PTPRG: variants seen among roughly 807,000 people sequenced by gnomAD.
PTPRG encodes the protein receptor-type tyrosine-protein phosphatase gamma.
A neutral mutation model predicts 165.3 loss-of-function variants in PTPRG; 102 were observed. The ratio of observed to expected loss-of-function variants is 0.62; its 90% CI spans 0.53 to 0.73. PTPRG has a LOEUF of 0.73. PTPRG is among the 30% of genes least tolerant of loss of function. PTPRG has a pLI of 0.00. For synonymous variants in PTPRG, 675 were observed against 669.5 expected, an observed-to-expected ratio of 1.01 and a Z score of -0.13; for missense variants, 1,866 against 1,861.4, an observed-to-expected ratio of 1.00 and a Z score of -0.05.
chr3:61,634,593 CT>C (rs1701856791), intron 1 of PTPRG, among the ~76,000 whole-genome samples: 1 of 151,678 alleles, frequency 6.6e-6, no homozygotes. Flanking sequence ...TTATCAAATG[CT>C]TTTTCTGTGG....
At position 62,191,648 on chromosome 3, in the gene PTPRG, G is replaced by C. The variant is rs535321914; in HGVS notation, c.1213G>C (p.Asp405His). The change falls in exon 9 of 30, where the codon GAC becomes CAC. Residue 405 changes from aspartate (D) to histidine (H), a missense_variant. This residue lies in a region of PTPRG where 1,452 missense variants were observed against 1,463.0 expected (regional missense o/e 0.99). Transcript: ENST00000474889. ...EKTFTKDSDK[D>H]LKATISHVSP... is the part of the protein sequence containing the mutation. ...GACGTTTACAAAGGACAGCGACAAAGACTTGGTATGAAGCCCCTCCTCTGA... is the reference window on the plus strand; with the variant it reads ...GACGTTTACAAAGGACAGCGACAAACACTTGGTATGAAGCCCCTCCTCTGA... The C allele has an allele frequency of 1.9e-6, 3 of 1,613,914 alleles. No homozygotes were observed. The highest frequency in any genetic ancestry group is 3.3e-5 in the Admixed American group (2 of 60,018).
intron 3 of PTPRG, among the ~76,000 whole-genome samples, chr3:61,991,727 G>T (rs1032421683): frequency 6.6e-6 from 1 of 152,212 alleles, no homozygotes; most frequent in African/African-American, 2.4e-5. Flanking sequence ...TACCACCTCA[G>T]CACCACATTC....
At chr3:61,891,450 T>C (rs542041667) in intron 2 of PTPRG, among the ~76,000 whole-genome samples, 2 of 152,258 alleles carry the variant, frequency 1.3e-5, no homozygotes, top group Non-Finnish European at 2.9e-5. Context: ...ATTTTCTATG[T>C]GTAAACCATT....
chr3:61,687,650 A>G (rs1703675764), intron 1 of PTPRG, among the ~76,000 whole-genome samples: 1 of 152,268 alleles, frequency 6.6e-6, no homozygotes, highest in African/African-American at 2.4e-5. Context: ...AGTGTGAATT[A>G]TATTTTAAGT....
chr3:61,847,955 C>G (rs546260024), intron 2 of PTPRG, among the ~76,000 whole-genome samples: 2 of 152,204 alleles, frequency 1.3e-5, no homozygotes, highest in Non-Finnish European at 2.9e-5. Context: ...TTGCTTTTCC[C>G]CTTGTCTTCT....
intron 1 of PTPRG, among the ~76,000 whole-genome samples, chr3:61,646,868 A>C (rs904865221): frequency 6.6e-6 from 1 of 152,202 alleles, no homozygotes. Context: ...TATAAAGGAA[A>C]TCATACGGTA....
At chr3:61,746,940 C>A (rs1269418102) in intron 1 of PTPRG, among the ~76,000 whole-genome samples, 2 of 152,088 alleles carry the variant, frequency 1.3e-5, no homozygotes, top group Non-Finnish European at 1.5e-5. Context: ...ATTGCATGAG[C>A]CCAGGAGTTT....
intron 2 of PTPRG, among the ~76,000 whole-genome samples, chr3:61,945,359 A>C (rs1464869424): frequency 1.3e-5 from 2 of 152,080 alleles, no homozygotes; most frequent in African/African-American, 4.8e-5. Context: ...CAGGAGTTCG[A>C]GACGAGCCTG....
chr3:61,573,389 C>T (rs1700103786), intron 1 of PTPRG, among the ~76,000 whole-genome samples: 1 of 152,100 alleles, frequency 6.6e-6, no homozygotes, highest in South Asian at 2.1e-4. Flanking sequence ...CTAATTTTTG[C>T]ACATGGATTT....
At position 61,963,344 on chromosome 3, in the gene PTPRG, A is replaced by G. The variant is rs78998987; in HGVS notation, c.191-26281A>G. ...TTCATAAGAGTTTACAGATTACCAG[A>G]TACCTGGATTTGTAACAAACCATGA... On this transcript the variant is annotated intron_variant, in intron 2 of 29. Transcript: ENST00000474889. Among the ~76,000 whole-genome samples the G allele has an allele frequency of 8.4e-3, 1,274 of 152,282 alleles. 22 individuals carry two copies. Among genetic ancestry groups the G allele is most frequent in the African/African-American group, 0.029 (1,214 of 41,560 alleles).
At chr3:61,582,975 A>G (rs1004075396) in intron 1 of PTPRG, among the ~76,000 whole-genome samples, 1 of 152,208 alleles carries the variant, frequency 6.6e-6, no homozygotes, top group African/African-American at 2.4e-5. Flanking sequence ...ATACCTTCCT[A>G]CGGGTATCCT....
At chr3:61,744,335 CG>C (rs1400043508) in intron 1 of PTPRG, among the ~76,000 whole-genome samples, 1 of 152,130 alleles carries the variant, frequency 6.6e-6, no homozygotes, top group Non-Finnish European at 1.5e-5. Context: ...AGTCCTCAGA[CG>C]CTTTTGTTGT....
At chr3:62,041,724 G>A (rs62243286) in intron 4 of PTPRG, among the ~76,000 whole-genome samples, 1 of 151,832 alleles carries the variant, frequency 6.6e-6, no homozygotes, top group Non-Finnish European at 1.5e-5. Context: ...GTCATATACC[G>A]AGATATGACG....
Position 62,007,086 on chromosome 3 carries a change from C to T in PTPRG, c.519+3589C>T, listed in dbSNP as rs144882664. 6.0e-3 allele frequency among the ~76,000 whole-genome samples: 912 copies of T among 152,246 alleles called. 14 individuals carry two copies. The highest frequency in any genetic ancestry group is 0.021 in the African/African-American group (867 of 41,530). On this transcript the variant is annotated intron_variant, in intron 4 of 29. Coordinates refer to ENST00000474889, the MANE Select transcript of PTPRG (RefSeq NM_002841.4). ...TTAGTATCTACTTGAGATGCAGTCA[C>T]GACCTTGGGAATTTTAACAGCTCCC...
intron 2 of PTPRG, 94 bp downstream of exon 2, chr3:61,749,076 G>A (rs1336753902): frequency 9.9e-6 from 10 of 1,014,534 alleles, no homozygotes; most frequent in Non-Finnish European, 1.5e-5. Flanking sequence ...TTATGCCTGA[G>A]TTCTGTTTGC....
intron 1 of PTPRG, among the ~76,000 whole-genome samples, chr3:61,664,570 T>G (rs1702753982): frequency 2.6e-5 from 4 of 152,254 alleles, no homozygotes; most frequent in Admixed American, 2.6e-4. Context: ...GGTTCACACA[T>G]GTAATCCCAG....
At chr3:62,023,125 GA>G (rs576620458) in intron 4 of PTPRG, among the ~76,000 whole-genome samples, 1 of 151,802 alleles carries the variant, frequency 6.6e-6, no homozygotes, top group African/African-American at 2.4e-5. Context: ...TAATGAAACA[GA>G]AAAAAACAAT....
At chr3:61,583,008 TG>T (rs1700340449) in intron 1 of PTPRG, among the ~76,000 whole-genome samples, 1 of 152,166 alleles carries the variant, frequency 6.6e-6, no homozygotes, top group South Asian at 2.1e-4. Context: ...ATGTACACAA[TG>T]AAGTGAACAC....
At chr3:61,678,789 T>G (rs983433681) in intron 1 of PTPRG, among the ~76,000 whole-genome samples, 2 of 152,168 alleles carry the variant, frequency 1.3e-5, no homozygotes, top group Admixed American at 6.5e-5. Flanking sequence ...CTATTGGTTG[T>G]TTGTCTAAAA....
Sources: gnomAD v4.1 joint callset for allele counts (sites outside exome capture counted in the v4.1 genomes callset) on GRCh38, gnomAD v4.1.1 for gene constraint, gnomAD v4.1.1 regional missense constraint, MANE v1.5 for transcripts, NCBI Gene and HGNC (gene_info 2026-07-23, HGNC 2026-07-21) for gene names.